Variants in TEX29 observed in about 807,000 individuals in gnomAD.
The protein encoded by TEX29 is testis-expressed protein 29.
TEX29 carries 26 observed loss-of-function variants against 18.2 expected under a neutral mutation model. That is an observed-to-expected ratio of 1.43 (90% CI 1.04 to 1.98). TEX29 has a LOEUF of 1.98. Ranked by LOEUF, TEX29 falls within the 30% of genes most tolerant of loss-of-function variation. The pLI, the probability that TEX29 is intolerant of heterozygous loss-of-function variation, is 0.00. For synonymous variants in TEX29, 83 were observed against 78.5 expected, an observed-to-expected ratio of 1.06 and a Z score of -0.31; for missense variants, 177 against 194.2, an observed-to-expected ratio of 0.91 and a Z score of 0.53.
chr13:111,339,113 C>T (rs962812186), intron 3 of TEX29, among the ~76,000 whole-genome samples: 4 of 152,182 alleles, frequency 2.6e-5, no homozygotes, highest in African/African-American at 7.2e-5. Flanking sequence ...GGAGTGCACT[C>T]ACGCAGGGAA....
intron 3 of TEX29, among the ~76,000 whole-genome samples, chr13:111,330,601 A>G (rs2093681197): frequency 1.3e-5 from 2 of 152,188 alleles, no homozygotes; most frequent in South Asian, 4.1e-4. Context: ...TATACCATAA[A>G]ATTCACCTTT....
intron 3 of TEX29, among the ~76,000 whole-genome samples, chr13:111,331,568 C>T (rs1006605310): frequency 6.6e-6 from 1 of 151,928 alleles, no homozygotes; most frequent in African/African-American, 2.4e-5. Flanking sequence ...TTTATGAAGT[C>T]CATTTTATCC....
At chr13:111,333,904 T>C (rs185007160) in intron 3 of TEX29, among the ~76,000 whole-genome samples, 1 of 152,230 alleles carries the variant, frequency 6.6e-6, no homozygotes, top group Admixed American at 6.5e-5. Context: ...GCTTGACATG[T>C]GAGAATTACA....
intron 3 of TEX29, among the ~76,000 whole-genome samples, chr13:111,332,717 C>T (rs1423925194): frequency 6.6e-6 from 1 of 152,162 alleles, no homozygotes; most frequent in African/African-American, 2.4e-5. Flanking sequence ...CTTGGAAACA[C>T]ACGAGTTGAG....
chr13:111,327,536 C>T (rs2093676036), intron 2 of TEX29, among the ~76,000 whole-genome samples: 1 of 152,188 alleles, frequency 6.6e-6, no homozygotes, highest in African/African-American at 2.4e-5. Flanking sequence ...GAACCCCCTT[C>T]ATCATCCAGC....
Position 111,320,694 on chromosome 13 carries a change from G to GT in TEX29, c.-99dup, listed in dbSNP as rs1279567347. On this transcript the variant is annotated 5_prime_UTR_variant, in exon 1 of 6. Coordinates refer to ENST00000283547, the MANE Select transcript of TEX29 (RefSeq NM_152324.3). ...CAGTTTGTTGTTTTACCTAAAAGGT[G>GT]TTTTCCACGTGGAGTGGGACTGAGA... 4.6e-6 allele frequency: 3 copies of GT among 654,580 alleles called. No individual in the cohort carries two copies. The East Asian group carries it at 8.0e-5, about 17-fold the overall frequency. The allele number at this position is 654,580 out of a possible 1,614,324, so 40.5% of individuals were successfully genotyped here.
chr13:111,328,563 G>A (rs995712426), intron 3 of TEX29, among the ~76,000 whole-genome samples: 1 of 152,142 alleles, frequency 6.6e-6, no homozygotes, highest in Non-Finnish European at 1.5e-5. Context: ...ACAAATGGAG[G>A]CCCCCTTCAT....
intron 2 of TEX29, among the ~76,000 whole-genome samples, chr13:111,321,336 C>T (rs2153641133): frequency 6.6e-6 from 1 of 152,246 alleles, no homozygotes; most frequent in African/African-American, 2.4e-5. Context: ...GAAGTTCCAC[C>T]TTCCCTTTCC....
intron 2 of TEX29, 53 bp from the exon 3 acceptor site, chr13:111,328,130 C>T (rs544158653): frequency 7.5e-6 from 9 of 1,197,426 alleles, no homozygotes; most frequent in East Asian, 2.4e-5. Flanking sequence ...TAGCGGAGAG[C>T]AGAGTGGCTT....
chr13:111,317,144 G>A (rs759826193), upstream of TEX29, among the ~76,000 whole-genome samples: 3 of 151,976 alleles, frequency 2.0e-5, no homozygotes, highest in Admixed American at 6.6e-5. Flanking sequence ...TATTTTATTC[G>A]TAAAGAAAGG....
intron 2 of TEX29, among the ~76,000 whole-genome samples, 158 bp downstream of exon 2, chr13:111,321,106 T>G (rs943565145): frequency 3.9e-4 from 60 of 152,052 alleles, no homozygotes; most frequent in African/African-American, 1.4e-3. Flanking sequence ...GGAAATAACC[T>G]GGGAAAACGC....
intron 5 of TEX29, 50 bp from the exon 6 acceptor site, chr13:111,344,033 C>G (rs1281393200): frequency 6.8e-7 from 1 of 1,463,982 alleles, no homozygotes; most frequent in East Asian, 2.3e-5. Context: ...CTTTTCGGGA[C>G]TGCTGAATAT....
intron 3 of TEX29, among the ~76,000 whole-genome samples, chr13:111,329,758 CT>C (rs1249110354): frequency 6.6e-6 from 1 of 152,094 alleles, no homozygotes; most frequent in Admixed American, 6.6e-5. Context: ...GGGAGGGGTG[CT>C]TCTACAAGGT....
intron 4 of TEX29, 53 bp downstream of exon 4, chr13:111,339,985 C>A: frequency 6.4e-7 from 1 of 1,554,104 alleles, no homozygotes; most frequent in Non-Finnish European, 8.9e-7. Flanking sequence ...ACTCACCTCT[C>A]CTGGCCGCAG....
chr13:111,327,821 A>C (rs981602498), intron 2 of TEX29, among the ~76,000 whole-genome samples: 33 of 152,202 alleles, frequency 2.2e-4, no homozygotes, highest in African/African-American at 8.0e-4. Context: ...CTGTATGCTT[A>C]AGTGTGAAAT....
chr13:111,317,716 C>G (rs903585658), upstream of TEX29, among the ~76,000 whole-genome samples: 17 of 152,236 alleles, frequency 1.1e-4, no homozygotes, highest in African/African-American at 4.1e-4. Flanking sequence ...GGCTCTGCGG[C>G]CACAATCTGA....
At chr13:111,319,494 G>T (rs2093660063), upstream of TEX29, among the ~76,000 whole-genome samples, 5 of 152,164 alleles carry the variant, frequency 3.3e-5, 1 homozygote, top group South Asian at 1.0e-3. Context: ...ATGCTTCCTG[G>T]GCGTGTCCCC....
chr13:111,320,643 T>G lies in TEX29; in HGVS notation c.-154T>G. Reference sequence around the variant, plus strand: ...GTGCCCAGCCTGGTCCCACAGTCCATAGTGAGCGGCAGACAGAGGGGTGGC... The same window carrying G: ...GTGCCCAGCCTGGTCCCACAGTCCAGAGTGAGCGGCAGACAGAGGGGTGGC... On this transcript the variant is annotated 5_prime_UTR_variant, in exon 1 of 6. Transcript: ENST00000283547. 7.1e-6 allele frequency: 4 copies of G among 566,682 alleles called. No individual in the cohort carries two copies. The highest frequency in any genetic ancestry group is 1.3e-5 in the Non-Finnish European group (4 of 314,210). The allele number at this position is 566,682 out of a possible 1,614,324, so 35.1% of individuals were successfully genotyped here.
At chr13:111,328,050 C>T (rs778385669) in intron 2 of TEX29, 133 bp from the exon 3 acceptor site, 42 of 604,908 alleles carry the variant, frequency 6.9e-5, no homozygotes, top group African/African-American at 4.5e-4. Context: ...TTGCAGGATG[C>T]GTAATTGAGA....
Sources: allele counts gnomAD v4.1 joint callset (sites outside exome capture counted in the v4.1 genomes callset), GRCh38; gene constraint gnomAD v4.1.1; transcripts MANE v1.5; gene names NCBI Gene and HGNC (gene_info 2026-07-23, HGNC 2026-07-21).